The following XRRA1 variants were observed in gnomAD, a reference collection of about 807,000 sequenced individuals.
XRRA1 encodes the protein X-ray radiation resistance associated 1.
A neutral mutation model predicts 80.2 loss-of-function variants in XRRA1; 69 were observed. The observed-to-expected ratio is 0.86, with a 90% CI of 0.71 to 1.05. The LOEUF (loss-of-function observed/expected upper bound fraction) is 1.05. Ranked by LOEUF, XRRA1 falls within the 50% of genes least tolerant of loss-of-function variation. The probability of loss-of-function intolerance (pLI) is 0.00; values close to 1 mark genes in which losing one functional copy is unlikely to be tolerated. For synonymous variants in XRRA1, 348 were observed against 389.9 expected, an observed-to-expected ratio of 0.89 and a Z score of 1.27; for missense variants, 967 against 976.4, an observed-to-expected ratio of 0.99 and a Z score of 0.13.
chr11:74,878,380 T>C (rs1353095836), intron 10 of XRRA1, among the ~76,000 whole-genome samples: 2 of 151,672 alleles, frequency 1.3e-5, no homozygotes, highest in Admixed American at 6.6e-5. Context: ...GTCAGAGGAG[T>C]AGGTTGTGAA....
chr11:74,927,161 G>C (rs1001534061), intron 7 of XRRA1, among the ~76,000 whole-genome samples: 1 of 152,170 alleles, frequency 6.6e-6, no homozygotes, highest in African/African-American at 2.4e-5. Context: ...CCATGGTTAA[G>C]TCTTTGGTAT....
intron 10 of XRRA1, among the ~76,000 whole-genome samples, chr11:74,867,979 T>C (rs1182123893): frequency 7.0e-6 from 1 of 142,726 alleles, no homozygotes; most frequent in Non-Finnish European, 1.5e-5. Flanking sequence ...TGGAGTACAA[T>C]GGTGCGATCT....
chr11:74,906,386 C>T lies in XRRA1; in HGVS notation c.856G>A (p.Asp286Asn). The T allele has an allele frequency of 6.2e-7, 1 of 1,613,996 alleles. No homozygotes were observed. The highest frequency in any genetic ancestry group is 8.5e-7 in the Non-Finnish European group (1 of 1,179,888). ...IPYLQQVQLYDESVDWNGGRG... is the reference protein window; with the variant it reads ...IPYLQQVQLYNESVDWNGGRG... ...CCTCCATTCCAGTCTACTGACTCGTCATAGAGCTGAACTTGCTGTAGGTAT... is the reference window on the plus strand; with the variant it reads ...CCTCCATTCCAGTCTACTGACTCGTTATAGAGCTGAACTTGCTGTAGGTAT... Residue 286 changes from aspartate to asparagine, a missense_variant, in exon 10 of 19, where the codon GAC becomes AAC. Transcript: ENST00000684022.
chr11:74,863,069 A>G, intron 10 of XRRA1, 48 bp from the exon 11 acceptor site: 1 of 1,548,074 alleles, frequency 6.5e-7, no homozygotes, highest in Non-Finnish European at 8.8e-7. Context: ...CCGCTGATTG[A>G]TGCCTAGAGC....
intron 12 of XRRA1, among the ~76,000 whole-genome samples, chr11:74,853,701 G>A (rs1157565872): frequency 6.6e-6 from 1 of 152,226 alleles, no homozygotes; most frequent in African/African-American, 2.4e-5. Context: ...TGATTAAGAT[G>A]TTTAAGTTTG....
rs199582383 is a variant in XRRA1 at position 74,866,223 on chromosome 11, A to AT, written c.1004-3203dup. Among the ~76,000 whole-genome samples the AT allele has an allele frequency of 2.1e-3, 319 of 152,100 alleles. 3 individuals carry two copies. The East Asian group carries it at 0.037, about 18-fold the overall frequency. On this transcript the variant is annotated intron_variant, in intron 10 of 18. Coordinates refer to ENST00000684022, the MANE Select transcript of XRRA1 (RefSeq NM_001378157.1). ...TCTCAGACAAAGAATTCAAAAGAACATTTTTTTGGGTTTTTTTATTTTTTT... is the reference window on the plus strand; with the variant it reads ...TCTCAGACAAAGAATTCAAAAGAACATTTTTTTTGGGTTTTTTTATTTTTTT...
chr11:74,917,941 T>TA (rs1229395153), intron 8 of XRRA1, among the ~76,000 whole-genome samples: 1 of 148,174 alleles, frequency 6.7e-6, no homozygotes, highest in East Asian at 2.0e-4. Flanking sequence ...ATATTGTTTA[T>TA]AAAAATAAAT....
intron 1 of XRRA1, among the ~76,000 whole-genome samples, chr11:74,947,994 T>G (rs919818544): frequency 2.0e-5 from 3 of 152,036 alleles, no homozygotes; most frequent in Non-Finnish European, 4.4e-5. Context: ...ATTACAACCA[T>G]GAGCCCCCAC....
At position 74,853,510 on chromosome 11, in the gene XRRA1, TGCTTGACCATCTAACA is replaced by T. The variant is rs1379095489; in HGVS notation, c.1171-1444_1171-1429del. On this transcript the variant is annotated intron_variant, in intron 12 of 18. Transcript: ENST00000684022. Reference sequence around the variant, plus strand: ...TTTCTTCCCTTTACCACAGTCCCCCTGCTTGACCATCTAACAGGATACATAGGATCCAGTTGAGTAG... The same window carrying T: ...TTTCTTCCCTTTACCACAGTCCCCCTGGATACATAGGATCCAGTTGAGTAG... Among the ~76,000 whole-genome samples the T allele has an allele frequency of 4.6e-5, 7 of 152,250 alleles. No homozygotes were observed. In the South Asian group the frequency reaches 1.4e-3, roughly 32 times the overall value.
At chr11:74,934,277 C>A (rs1944402305) in intron 4 of XRRA1, among the ~76,000 whole-genome samples, 1 of 152,156 alleles carries the variant, frequency 6.6e-6, no homozygotes, top group African/African-American at 2.4e-5. Context: ...CCATATGTCA[C>A]CCGACATAAT....
rs1019292202 is a variant in XRRA1, at chr11:74,862,973, G to T, written c.1044+8C>A. On this transcript the variant is annotated splice_region_variant and intron_variant, in intron 11 of 18. Coordinates refer to ENST00000684022, the MANE Select transcript of XRRA1 (RefSeq NM_001378157.1). ...CAGGAACACAAATATAAAGTAGTCA[G>T]TTCCTACCTCTGAGGTTGAAAATCC... 3 of 1,595,916 alleles carry T rather than the reference G, an allele frequency of 1.9e-6. No homozygotes were observed. Among genetic ancestry groups the T allele is most frequent in the African/African-American group, 2.7e-5 (2 of 74,552 alleles).
chr11:74,845,954 G>A (rs1238809576), intron 15 of XRRA1: 1 of 152,352 alleles, frequency 6.6e-6, no homozygotes, highest in Non-Finnish European at 1.5e-5. Flanking sequence ...TACTCAGGAG[G>A]CTGAGATGGG....
intron 16 of XRRA1, 100 bp from the exon 17 acceptor site, chr11:74,844,383 T>A: frequency 1.2e-6 from 1 of 848,846 alleles, no homozygotes; most frequent in Non-Finnish European, 1.9e-6. Flanking sequence ...CAGCTCTAGG[T>A]AAAAGGATTT....
intron 10 of XRRA1, among the ~76,000 whole-genome samples, chr11:74,901,409 T>C (rs948601296): frequency 6.6e-6 from 1 of 152,118 alleles, no homozygotes. Flanking sequence ...AAAATACCAA[T>C]GACATTCTTC....
intron 10 of XRRA1, chr11:74,876,417 C>T (rs142725833): frequency 1.7e-4 from 26 of 152,274 alleles, no homozygotes; most frequent in Admixed American, 4.6e-4. Context: ...AAGTGACTTT[C>T]TATTAGACCA....
At chr11:74,850,377 A>G (rs2039466817) in intron 14 of XRRA1, among the ~76,000 whole-genome samples, 1 of 152,192 alleles carries the variant, frequency 6.6e-6, no homozygotes, top group Non-Finnish European at 1.5e-5. Context: ...AAACCTTGGA[A>G]TTTCTATTTC....
At chr11:74,890,132 A>G (rs1455007285) in intron 10 of XRRA1, among the ~76,000 whole-genome samples, 1 of 152,228 alleles carries the variant, frequency 6.6e-6, no homozygotes, top group Non-Finnish European at 1.5e-5. Flanking sequence ...TTATTTCAAA[A>G]TTGACCACAC....
At position 74,841,712 on chromosome 11, in the gene XRRA1, G is replaced by A. The variant is rs540007414; in HGVS notation, c.*1488C>T. On this transcript the variant is annotated 3_prime_UTR_variant, in exon 19 of 19. Coordinates refer to ENST00000684022, the MANE Select transcript of XRRA1 (RefSeq NM_001378157.1). ...TAGTTTGAAGCCAAGGCAAAGCAAG[G>A]TTTGTTCATCTTCCTTTCCTGTCAT... 3.9e-5 allele frequency: 6 copies of A among 152,288 alleles called. No individual in the cohort carries two copies. Among genetic ancestry groups the A allele is most frequent in the African/African-American group, 1.4e-4 (6 of 41,550 alleles). The allele number at this position is 152,288 out of a possible 1,614,324, so 9.4% of individuals were successfully genotyped here.
intron 3 of XRRA1, among the ~76,000 whole-genome samples, chr11:74,939,279 G>C (rs1945787212): frequency 6.6e-6 from 1 of 152,180 alleles, no homozygotes; most frequent in Non-Finnish European, 1.5e-5. Flanking sequence ...TTGAACCTGG[G>C]AGGTGAAGGT....
Sources: gnomAD v4.1 joint callset for allele counts (sites outside exome capture counted in the v4.1 genomes callset) on GRCh38, gnomAD v4.1.1 for gene constraint, MANE v1.5 for transcripts, NCBI Gene and HGNC (gene_info 2026-07-23, HGNC 2026-07-21) for gene names.